Variants in NAP1L4 observed in about 807,000 individuals in gnomAD.
NAP1L4 encodes the protein nucleosome assembly protein 1-like 4.
In NAP1L4, 15 loss-of-function variants were observed where a neutral mutation model predicts 58.2. The ratio of observed to expected loss-of-function variants is 0.26; its 90% CI spans 0.17 to 0.40. The LOEUF is 0.40. NAP1L4 is among the 10% of genes least tolerant of loss of function. The pLI, the probability that NAP1L4 is intolerant of heterozygous loss-of-function variation, is 1.00. For synonymous variants in NAP1L4, 171 were observed against 155.6 expected, an observed-to-expected ratio of 1.10 and a Z score of -0.74; for missense variants, 384 against 451.1, an observed-to-expected ratio of 0.85 and a Z score of 1.35.
chr11:2,990,521 G>C (rs1356147378), intron 1 of NAP1L4: 2 of 152,170 alleles, frequency 1.3e-5, no homozygotes, highest in African/African-American at 4.8e-5. Context: ...GGCATTCTGT[G>C]GAATAAGAGA....
In NAP1L4 at chr11:2,952,094, CCCTGGCTGTT is replaced by C. The variant is rs149525951; in HGVS notation, c.1036-295_1036-286del. 3.2e-3 allele frequency: 1,652 copies of C among 509,130 alleles called. 19 individuals are homozygous for C. Among genetic ancestry groups the C allele is most frequent in the African/African-American group, 0.029 (1,530 of 52,088 alleles). 31.5% of individuals were successfully genotyped at this position (509,130 alleles called of 1,614,324 possible). On this transcript the variant is annotated intron_variant, in intron 12 of 15. Transcript: ENST00000380542. Reference sequence around the variant, plus strand: ...CTGGGAACCTGGCACCACAGCTCTGCCCTGGCTGTTCTCACACCGAGGAGCAGGCACACAG... The same window carrying C: ...CTGGGAACCTGGCACCACAGCTCTGCCTCACACCGAGGAGCAGGCACACAG...
chr11:2,969,780 C>G (rs769084147), intron 7 of NAP1L4, 23 bp downstream of exon 7: 1 of 1,600,006 alleles, frequency 6.2e-7, no homozygotes, highest in South Asian at 1.1e-5. Context: ...CATAATCTCT[C>G]TACAAGACAG....
chr11:2,947,191 G>A (rs955896946), intron 15 of NAP1L4, among the ~76,000 whole-genome samples: 13 of 152,296 alleles, frequency 8.5e-5, no homozygotes, highest in South Asian at 2.1e-4. Flanking sequence ...AAATGCTCAC[G>A]GGAGGATTCC....
intron 8 of NAP1L4, among the ~76,000 whole-genome samples, chr11:2,964,286 G>A (rs1847127323): frequency 6.6e-6 from 1 of 152,138 alleles, no homozygotes. Context: ...CCACCCAACA[G>A]AGTAAACAAA....
chr11:2,962,373 T>C (rs573825521), intron 8 of NAP1L4, among the ~76,000 whole-genome samples: 12 of 152,322 alleles, frequency 7.9e-5, no homozygotes, highest in Middle Eastern at 3.4e-3. Flanking sequence ...GCACACACCA[T>C]GTGGTGTGGC....
intron 7 of NAP1L4, among the ~76,000 whole-genome samples, chr11:2,966,110 A>G (rs1847262288): frequency 6.6e-6 from 1 of 152,204 alleles, no homozygotes; most frequent in Admixed American, 6.5e-5. Flanking sequence ...CTTTACCCCC[A>G]AAGTCTGGGC....
rs139415170 is a variant in NAP1L4 at position 2,975,091 on chromosome 11, C to T, written c.173+933G>A. Among the ~76,000 whole-genome samples, 470 of 151,950 alleles carry T rather than the reference C, an allele frequency of 3.1e-3. 5 individuals are homozygous for T. Among genetic ancestry groups the T allele is most frequent in the African/African-American group, 0.01 (424 of 41,388 alleles). On this transcript the variant is annotated intron_variant, in intron 4 of 15. Coordinates refer to ENST00000380542, the MANE Select transcript of NAP1L4 (RefSeq NM_005969.4). Reference sequence around the variant, plus strand: ...GGGGAAACCAGCTGGAAGGTGGGGCCTCCTGGGAGACCAAGCCCTGACCCA... The same window carrying T: ...GGGGAAACCAGCTGGAAGGTGGGGCTTCCTGGGAGACCAAGCCCTGACCCA...
At chr11:2,970,046 C>T (rs536581798) in intron 6 of NAP1L4, 112 bp from the exon 7 acceptor site, 2 of 1,141,560 alleles carry the variant, frequency 1.8e-6, no homozygotes, top group African/African-American at 3.1e-5. Flanking sequence ...AAACACCTTG[C>T]TTTCTAAGTC....
chr11:2,988,484 G>A (rs1848778020), intron 1 of NAP1L4, among the ~76,000 whole-genome samples: 1 of 152,234 alleles, frequency 6.6e-6, no homozygotes, highest in Admixed American at 6.5e-5. Flanking sequence ...GGAGGCCCCA[G>A]TACCTAGAAC....
At chr11:2,984,132 A>G (rs933138975) in intron 1 of NAP1L4, among the ~76,000 whole-genome samples, 3 of 144,020 alleles carry the variant, frequency 2.1e-5, no homozygotes, top group African/African-American at 7.8e-5. Context: ...GCGCCACTGA[A>G]CTCCAGCCTG....
In NAP1L4 at chr11:2,955,761, C is replaced by T. The variant is rs182719695; in HGVS notation, c.898G>A (p.Gly300Arg). 32 of 1,612,670 alleles carry T rather than the reference C, an allele frequency of 2.0e-5. No individual in the cohort carries two copies. Among genetic ancestry groups the T allele is most frequent in the Admixed American group, 6.7e-5 (4 of 59,862 alleles). ...AATCTTACCAGTGATTCTCCATCCC[C>T]GGATGCTAGAAAAAGAAAAGACAAA... ...FNFFNPLKAS[G>R]DGESLDEDSE... Residue 300 changes from glycine to arginine, a missense_variant, in exon 11 of 16, where the codon GGG becomes AGG. Physicochemically the swap from Gly to Arg is moderately radical, Grantham distance 125. This residue lies in a region of NAP1L4 where 296 missense variants were observed against 360.8 expected (regional missense o/e 0.82). Coordinates refer to ENST00000380542, the MANE Select transcript of NAP1L4 (RefSeq NM_005969.4). This position sits in a 1 kb window ranked among gnomAD's most constrained non-coding sequence, Gnocchi z 4.2.
rs1406890861 is a variant in NAP1L4, at chr11:2,976,143, A to G, written c.74-20T>C. 1 of 1,589,668 alleles carries G rather than the reference A, an allele frequency of 6.3e-7. No homozygotes were observed. The highest frequency in any genetic ancestry group is 2.2e-5 in the East Asian group (1 of 44,670). The stretch of plus-strand genomic sequence containing the variant: ...GCTTTTCTATGAAGAGTTAAGACCA[A>G]ACATATTTAAAATATGCCCACCACA... On this transcript the variant is annotated intron_variant, in intron 3 of 15. Coordinates refer to ENST00000380542, the MANE Select transcript of NAP1L4 (RefSeq NM_005969.4).
rs1168717386 is a variant in NAP1L4, at chr11:2,946,955, C to T, written c.*33-1309G>A. ...GAGGAGTGGGACAAGCAGTGTGCCTCCACCAAGGGACTCGCCTAGAAAATG... is the reference window on the plus strand; with the variant it reads ...GAGGAGTGGGACAAGCAGTGTGCCTTCACCAAGGGACTCGCCTAGAAAATG... On this transcript the variant is annotated intron_variant, in intron 15 of 15. Coordinates refer to ENST00000380542, the MANE Select transcript of NAP1L4 (RefSeq NM_005969.4). This position sits in a 1 kb window ranked among gnomAD's most constrained non-coding sequence, Gnocchi z 4.8. Among the ~76,000 whole-genome samples the T allele has an allele frequency of 2.6e-5, 4 of 152,154 alleles. No individual in the cohort carries two copies. Among genetic ancestry groups the T allele is most frequent in the Non-Finnish European group, 4.4e-5 (3 of 68,028 alleles).
At chr11:2,972,827 A>C (rs6578303) in intron 4 of NAP1L4, among the ~76,000 whole-genome samples, 108,578 of 152,030 alleles carry the variant, frequency 0.71, 39,083 homozygotes, top group East Asian at 0.91. Flanking sequence ...AAAAATTAGC[A>C]AGGCATGATG....
At position 2,946,823 on chromosome 11, in the gene NAP1L4, C is replaced by T. The variant is rs1345861481; in HGVS notation, c.*33-1177G>A. ...AAAAACCCTCGCCATGTCAATCTGA[C>T]ATTCAAGGGTAGACTGAAGGTGGCC... On this transcript the variant is annotated intron_variant, in intron 15 of 15. Transcript: ENST00000380542. The surrounding 1 kb of genome is among the most constrained non-coding windows in gnomAD (Gnocchi z 4.8). Among the ~76,000 whole-genome samples the T allele has an allele frequency of 1.3e-5, 2 of 152,208 alleles. No individual in the cohort carries two copies. Among genetic ancestry groups the T allele is most frequent in the Non-Finnish European group, 2.9e-5 (2 of 68,034 alleles).
intron 1 of NAP1L4, among the ~76,000 whole-genome samples, chr11:2,987,302 G>T (rs1330741514): frequency 1.3e-5 from 2 of 151,678 alleles, no homozygotes; most frequent in Non-Finnish European, 2.9e-5. Context: ...TGGGTTTTTT[G>T]TTGTTGTTGT....
intron 10 of NAP1L4, among the ~76,000 whole-genome samples, chr11:2,957,166 T>G (rs531174723): frequency 7.2e-5 from 11 of 152,290 alleles, no homozygotes; most frequent in Non-Finnish European, 1.3e-4. Flanking sequence ...TTAAGAGAAC[T>G]TCCTACACAA....
chr11:2,960,862 T>C (rs11024759), intron 8 of NAP1L4, among the ~76,000 whole-genome samples: 40,209 of 152,062 alleles, frequency 0.26, 7,082 homozygotes, highest in East Asian at 0.67. Context: ...CTTGGTTGAG[T>C]AATTTATAGA....
At chr11:2,963,298 C>A (rs1483289854) in intron 8 of NAP1L4, among the ~76,000 whole-genome samples, 1 of 152,120 alleles carries the variant, frequency 6.6e-6, no homozygotes, top group Admixed American at 6.5e-5. Context: ...AGAGAATGCA[C>A]ACCAACGAGG....
Sources: allele counts gnomAD v4.1 joint callset (sites outside exome capture counted in the v4.1 genomes callset), GRCh38; gene constraint gnomAD v4.1.1; regional missense constraint gnomAD v4.1.1; non-coding constraint Gnocchi (gnomAD v3.1); transcripts MANE v1.5; gene names NCBI Gene and HGNC (gene_info 2026-07-23, HGNC 2026-07-21).